HDAC1: variants seen among roughly 807,000 people sequenced by gnomAD.
The protein encoded by HDAC1 is protein deacetylase HDAC1.
A neutral mutation model predicts 65.5 loss-of-function variants in HDAC1; 18 were observed. The observed-to-expected ratio is 0.27, with a 90% CI of 0.19 to 0.41. The LOEUF (loss-of-function observed/expected upper bound fraction) is 0.41. HDAC1 is among the 10% of genes least tolerant of loss of function. HDAC1 has a pLI of 1.00. For missense variants in HDAC1, 373 were observed against 625.2 expected (o/e 0.60, Z 4.30); for synonymous variants, 211 against 227.9 (o/e 0.93, Z 0.67).
At chr1:32,301,833 C>G (rs72890132) in intron 1 of HDAC1, among the ~76,000 whole-genome samples, 6,893 of 152,256 alleles carry the variant, frequency 0.045, 515 homozygotes, top group African/African-American at 0.16. Context: ...TGAGACCCAG[C>G]CTGGTCTTGA....
chr1:32,330,494 G>A lies in HDAC1; in HGVS notation c.730-84G>A, dbSNP rs915326776. On this transcript the variant is annotated intron_variant, in intron 7 of 13. Transcript: ENST00000373548. The surrounding 1 kb of genome is among the most constrained non-coding windows in gnomAD (Gnocchi z 4.2). Reference sequence around the variant, plus strand: ...GGAGAGTGGAAAGGTAGGAGTGGGTGGGAAAGTGTTGCACCCAGCCTTTCC... The same window carrying A: ...GGAGAGTGGAAAGGTAGGAGTGGGTAGGAAAGTGTTGCACCCAGCCTTTCC... 7.9e-6 allele frequency: 7 copies of A among 880,896 alleles called. No homozygotes were observed. The highest frequency in any genetic ancestry group is 1.4e-5 in the South Asian group (1 of 73,460). The allele number at this position is 880,896 out of a possible 1,614,324, so 54.6% of individuals were successfully genotyped here.
intron 2 of HDAC1, among the ~76,000 whole-genome samples, chr1:32,310,855 G>T (rs72878735): frequency 0.049 from 6,066 of 124,502 alleles, 392 homozygotes; most frequent in African/African-American, 0.16. Context: ...GTGAAAAAAA[G>T]AAAAAAAAAA....
At chr1:32,328,364 T>C (rs1641247127) in intron 6 of HDAC1, among the ~76,000 whole-genome samples, 1 of 151,512 alleles carries the variant, frequency 6.6e-6, no homozygotes, top group African/African-American at 2.4e-5. Context: ...CAGCCTGGAG[T>C]GCAGTGGCGT....
At chr1:32,311,331 G>C (rs1183233884) in intron 2 of HDAC1, among the ~76,000 whole-genome samples, 1 of 152,128 alleles carries the variant, frequency 6.6e-6, no homozygotes, top group Non-Finnish European at 1.5e-5. Context: ...AGCCGGGCGT[G>C]GTCGCGGGTG....
chr1:32,330,044 G>C lies in HDAC1; in HGVS notation c.730-534G>C, dbSNP rs1641269669. 1 of 159,962 alleles carries C rather than the reference G, an allele frequency of 6.3e-6. No homozygotes were observed. The highest frequency in any genetic ancestry group is 2.4e-5 in the African/African-American group (1 of 41,488). The allele number at this position is 159,962 out of a possible 1,614,324, so 9.9% of individuals were successfully genotyped here. On this transcript the variant is annotated intron_variant, in intron 7 of 13. Transcript: ENST00000373548. The surrounding 1 kb of genome is among the most constrained non-coding windows in gnomAD (Gnocchi z 4.2). ...TTAAATCTTCACTTATAAACAGTAA[G>C]AAACTGCTTAACCTAATAAGGTCAG...
intron 12 of HDAC1, 90 bp downstream of exon 12, chr1:32,332,332 G>T: frequency 2.4e-6 from 3 of 1,224,656 alleles, no homozygotes; most frequent in Non-Finnish European, 3.5e-6. Flanking sequence ...CTCAGGCCCT[G>T]CCAGCTCCTG....
rs1640706413 is a variant in HDAC1 at position 32,292,149 on chromosome 1, T to G, written c.-21T>G. ...GGAGGGCGGACGGACCGACTGACGG[T>G]AGGGACGGGAGGCGAGCAAGATGGC... On this transcript the variant is annotated 5_prime_UTR_variant, in exon 1 of 14. Coordinates refer to ENST00000373548, the MANE Select transcript of HDAC1 (RefSeq NM_004964.3). The G allele has an allele frequency of 6.5e-7, 1 of 1,545,536 alleles. No individual in the cohort carries two copies. The highest frequency in any genetic ancestry group is 8.7e-7 in the Non-Finnish European group (1 of 1,145,100).
intron 2 of HDAC1, among the ~76,000 whole-genome samples, chr1:32,316,069 T>G (rs910846057): frequency 1.3e-5 from 2 of 151,612 alleles, no homozygotes; most frequent in Admixed American, 1.3e-4. Context: ...GATCACGAGG[T>G]CAGGAGATCA....
In HDAC1 at chr1:32,316,700, G is replaced by A. The variant is rs2148065267; in HGVS notation, c.198G>A (p.Lys66=). ...AAGCCAATGCTGAGGAGATGACCAA[G>A]TACCACAGCGATGACTACATTAAAT... is the stretch of plus-strand genomic sequence containing the variant. ...PHKANAEEMT[K]YHSDDYIKFL... Residue 66 remains lysine, a synonymous_variant, in exon 3 of 14, where the codon AAG becomes AAA. Coordinates refer to ENST00000373548, the MANE Select transcript of HDAC1 (RefSeq NM_004964.3). The A allele has an allele frequency of 6.2e-7, 1 of 1,613,864 alleles. No homozygotes were observed. The highest frequency in any genetic ancestry group is 8.5e-7 in the Non-Finnish European group (1 of 1,179,822).
chr1:32,301,317 G>T (rs1353852227), intron 1 of HDAC1, among the ~76,000 whole-genome samples: 1 of 152,054 alleles, frequency 6.6e-6, no homozygotes, highest in African/African-American at 2.4e-5. Flanking sequence ...ATGGTGGCAG[G>T]CGCCTGTAGT....
intron 3 of HDAC1, among the ~76,000 whole-genome samples, chr1:32,323,387 C>CTACT (rs1390433004): frequency 6.6e-6 from 1 of 151,972 alleles, no homozygotes; most frequent in Non-Finnish European, 1.5e-5. Context: ...ACCTGTTTCC[C>CTACT]TACTTATTTA....
At chr1:32,295,392 C>T (rs1640755437) in intron 1 of HDAC1, among the ~76,000 whole-genome samples, 1 of 151,484 alleles carries the variant, frequency 6.6e-6, no homozygotes, top group African/African-American at 2.4e-5. Flanking sequence ...CAGAGTGAGA[C>T]CTTGTGTCAA....
At position 32,332,190 on chromosome 1, in the gene HDAC1, C is replaced by T; in HGVS notation, c.1320C>T (p.Ala440=). The T allele has an allele frequency of 6.2e-7, 1 of 1,613,602 alleles. No individual in the cohort carries two copies. The highest frequency in any genetic ancestry group is 1.7e-5 in the Admixed American group (1 of 59,966). Residue 440 remains alanine (A), a synonymous_variant, in exon 12 of 14, where the codon GCC becomes GCT. Coordinates refer to ENST00000373548, the MANE Select transcript of HDAC1 (RefSeq NM_004964.3). The part of the protein sequence containing the change: ...GRKNSSNFKK[A]KRVKTEDEKE... ...AGAACTCTTCCAACTTCAAAAAAGC[C>T]AAGAGAGTCAAAACAGAGGATGAAA...
chr1:32,312,022 CT>C (rs911001343), intron 2 of HDAC1, among the ~76,000 whole-genome samples: 5 of 152,064 alleles, frequency 3.3e-5, no homozygotes, highest in African/African-American at 9.7e-5. Flanking sequence ...TTTGGTTTGC[CT>C]TTTTAGAAAC....
intron 2 of HDAC1, among the ~76,000 whole-genome samples, chr1:32,310,742 C>A (rs1040835314): frequency 6.6e-6 from 1 of 151,446 alleles, no homozygotes; most frequent in African/African-American, 2.4e-5. Flanking sequence ...CCCAGCTACT[C>A]GGGAGGCTGG....
intron 2 of HDAC1, among the ~76,000 whole-genome samples, chr1:32,303,385 G>A (rs892284798): frequency 6.6e-6 from 1 of 152,092 alleles, no homozygotes; most frequent in South Asian, 2.1e-4. Context: ...TTGAGTCTGG[G>A]AAGCAGAGGT....
Position 32,330,520 on chromosome 1 carries a change from A to G in HDAC1, c.730-58A>G, listed in dbSNP as rs1641277266. On this transcript the variant is annotated intron_variant, in intron 7 of 13. Coordinates refer to ENST00000373548, the MANE Select transcript of HDAC1 (RefSeq NM_004964.3). The surrounding 1 kb of genome is among the most constrained non-coding windows in gnomAD (Gnocchi z 4.2). ...GGAAAGTGTTGCACCCAGCCTTTCC[A>G]CTCCAAACCTCGTATTGCTTTCTTG... 1 of 1,211,094 alleles carries G rather than the reference A, an allele frequency of 8.3e-7. No homozygotes were observed. The highest frequency in any genetic ancestry group is 1.2e-6 in the Non-Finnish European group (1 of 814,060). The allele number at this position is 1,211,094 out of a possible 1,614,324, so 75.0% of individuals were successfully genotyped here. A position where few individuals can be genotyped will look rare whatever the true frequency, so the allele number is the denominator to read the frequency against.
chr1:32,306,299 C>T (rs774497347), intron 2 of HDAC1, among the ~76,000 whole-genome samples: 1 of 151,238 alleles, frequency 6.6e-6, no homozygotes, highest in Non-Finnish European at 1.5e-5. Context: ...GCTGGGATTA[C>T]AGGCATGCGC....
intron 1 of HDAC1, among the ~76,000 whole-genome samples, chr1:32,292,685 A>C (rs1640714219): frequency 6.6e-6 from 1 of 151,934 alleles, no homozygotes; most frequent in African/African-American, 2.4e-5. Flanking sequence ...TGCGGTTGCT[A>C]CTGCGACGTG....
Sources: allele counts gnomAD v4.1 joint callset (sites outside exome capture counted in the v4.1 genomes callset), GRCh38; gene constraint gnomAD v4.1.1; non-coding constraint Gnocchi (gnomAD v3.1); transcripts MANE v1.5; gene names NCBI Gene and HGNC (gene_info 2026-07-23, HGNC 2026-07-21).